RC3H1: variants seen among roughly 807,000 people sequenced by gnomAD.
RC3H1 encodes roquin-1.
Under a neutral mutation model 138.2 loss-of-function variants are expected in RC3H1, and 50 were observed. The observed-to-expected ratio is 0.36, with a 90% CI of 0.29 to 0.46. The LOEUF (loss-of-function observed/expected upper bound fraction) is 0.46. Among genes scored for constraint, RC3H1 ranks in the 20% least tolerant of loss-of-function variants. The pLI is 1.00. For missense variants in RC3H1, 1,031 were observed against 1,388.1 expected, an observed-to-expected ratio of 0.74 and a Z score of 4.09; for synonymous variants, 462 against 489.1, an observed-to-expected ratio of 0.94 and a Z score of 0.73.
In RC3H1 at chr1:173,933,349, T is replaced by G. The variant is rs1363238972; in HGVS notation, c.*5372A>C. On this transcript the variant is annotated 3_prime_UTR_variant, in exon 20 of 20. Transcript: ENST00000367696. ...TTTACCCACTTTGTTCAGTGCAGTATTGAAAACATACCTATTAGGAATAGA... is the reference window on the plus strand; with the variant it reads ...TTTACCCACTTTGTTCAGTGCAGTAGTGAAAACATACCTATTAGGAATAGA... The G allele has an allele frequency of 6.6e-6, 1 of 152,068 alleles. No individual in the cohort carries two copies. Among genetic ancestry groups the G allele is most frequent in the African/African-American group, 2.4e-5 (1 of 41,432 alleles). The allele number at this position is 152,068 out of a possible 1,614,324, so 9.4% of individuals were successfully genotyped here.
intron 9 of RC3H1, among the ~76,000 whole-genome samples, chr1:173,967,521 G>C (rs1660173582): frequency 6.6e-6 from 1 of 152,208 alleles, no homozygotes; most frequent in Admixed American, 6.5e-5. Context: ...CACTGGTCTT[G>C]TTAATTTGGT....
At chr1:174,013,103 T>C (rs1050139671) in intron 1 of RC3H1, among the ~76,000 whole-genome samples, 1 of 152,084 alleles carries the variant, frequency 6.6e-6, no homozygotes, top group African/African-American at 2.4e-5. Context: ...AACCATACTA[T>C]AATGGACAAC....
At chr1:173,985,252 A>G (rs1191789389) in intron 2 of RC3H1, among the ~76,000 whole-genome samples, 2 of 152,200 alleles carry the variant, frequency 1.3e-5, no homozygotes, top group African/African-American at 4.8e-5. Flanking sequence ...TACTACGAAT[A>G]ATGCTGCTAT....
intron 9 of RC3H1, among the ~76,000 whole-genome samples, chr1:173,967,305 G>A (rs12069446): frequency 0.12 from 18,954 of 152,070 alleles, 3,972 homozygotes; most frequent in African/African-American, 0.43. Flanking sequence ...GGGAGACAGA[G>A]TAAGACCCTG....
At chr1:174,021,552 T>C (rs1661960920) in intron 1 of RC3H1, among the ~76,000 whole-genome samples, 1 of 151,948 alleles carries the variant, frequency 6.6e-6, no homozygotes, top group Non-Finnish European at 1.5e-5. Flanking sequence ...GGGAGAAGAC[T>C]ACCAGGCTAG....
intron 1 of RC3H1, among the ~76,000 whole-genome samples, chr1:174,008,569 A>C (rs1661693785): frequency 6.6e-6 from 1 of 152,216 alleles, no homozygotes; most frequent in South Asian, 2.1e-4. Flanking sequence ...AGAACGAAAA[A>C]ATTGCTACAT....
intron 9 of RC3H1, among the ~76,000 whole-genome samples, chr1:173,966,706 C>G (rs1034203136): frequency 6.6e-6 from 1 of 151,360 alleles, no homozygotes; most frequent in African/African-American, 2.4e-5. Context: ...CAGAGCGAGA[C>G]CCTGTCTCAA....
At chr1:173,978,652 G>T (rs1660679488) in intron 6 of RC3H1, 32 bp from the exon 7 acceptor site, 2 of 1,583,998 alleles carry the variant, frequency 1.3e-6, no homozygotes, top group Non-Finnish European at 1.7e-6. Context: ...CTTTCCCAAA[G>T]GTCAGATAAT....
At position 173,964,824 on chromosome 1, in the gene RC3H1, A is replaced by T; in HGVS notation, c.1616+15T>A. 2 of 1,594,124 alleles carry T rather than the reference A, an allele frequency of 1.3e-6. No homozygotes were observed. ...AAGAAGAAATTTTGAAATAAGAGTT[A>T]GAAAAATGACGTACAGGTCAGGAGG... On this transcript the variant is annotated intron_variant, in intron 10 of 19. Coordinates refer to ENST00000367696, the MANE Select transcript of RC3H1 (RefSeq NM_172071.4).
chr1:173,983,307 G>T, intron 4 of RC3H1, 111 bp downstream of exon 4: 1 of 1,301,932 alleles, frequency 7.7e-7, no homozygotes, highest in Non-Finnish European at 1.1e-6. Context: ...CAAGATATTA[G>T]TTGGTAACAA....
At chr1:173,986,414 G>C (rs1368842659) in intron 2 of RC3H1, among the ~76,000 whole-genome samples, 1 of 152,170 alleles carries the variant, frequency 6.6e-6, no homozygotes, top group Non-Finnish European at 1.5e-5. Context: ...TGCCGTGGCA[G>C]CATCTGGGCT....
At position 174,007,206 on chromosome 1, in the gene RC3H1, G is replaced by A. The variant is rs186069121; in HGVS notation, c.-150-14071C>T. ...AAATTGAGACCATCCTGGCTAACAC[G>A]GGGAAACACCATCTCTACTAAAAAT... On this transcript the variant is annotated intron_variant, in intron 1 of 19. Transcript: ENST00000367696. 7.9e-5 allele frequency among the ~76,000 whole-genome samples: 12 copies of A among 152,140 alleles called. No individual in the cohort carries two copies. In the East Asian group the frequency reaches 1.7e-3, roughly 22 times the overall value.
intron 6 of RC3H1, 139 bp downstream of exon 6, chr1:173,980,670 C>T (rs943832129): frequency 8.6e-6 from 4 of 467,534 alleles, no homozygotes; most frequent in Non-Finnish European, 1.1e-5. Context: ...GGTATTATAA[C>T]GTGATTGGTT....
chr1:173,946,972 TCTTTAA>T (rs1322513075), intron 15 of RC3H1, 136 bp from the exon 16 acceptor site: 4 of 645,270 alleles, frequency 6.2e-6, no homozygotes, highest in African/African-American at 3.7e-5. Context: ...TTTTTAAAAT[TCTTTAA>T]CTTTGTTTTT....
Position 173,998,335 on chromosome 1 carries a change from C to T in RC3H1, c.-150-5200G>A, listed in dbSNP as rs947284098. Among the ~76,000 whole-genome samples the T allele has an allele frequency of 5.6e-4, 85 of 152,158 alleles. 1 individual carries two copies. Among genetic ancestry groups the T allele is most frequent in the African/African-American group, 1.8e-3 (76 of 41,414 alleles). ...TCCAAAAAGATTCAAAAGAGTGACA[C>T]TGCTGCTCAAGTATGAAAGCAATGA... is the stretch of plus-strand genomic sequence containing the variant. On this transcript the variant is annotated intron_variant, in intron 1 of 19. Transcript: ENST00000367696.
At position 173,935,475 on chromosome 1, in the gene RC3H1, G is replaced by A. The variant is rs1218072253; in HGVS notation, c.*3246C>T. ...TATCTGATTTTTGCTTTGGAATTTA[G>A]TGAAATACAAATAAAGTAATATTTA... On this transcript the variant is annotated 3_prime_UTR_variant, in exon 20 of 20. Transcript: ENST00000367696. 3 of 151,802 alleles carry A rather than the reference G, an allele frequency of 2.0e-5. No individual in the cohort carries two copies. The highest frequency in any genetic ancestry group is 4.4e-5 in the Non-Finnish European group (3 of 67,992). 9.4% of individuals were successfully genotyped at this position (151,802 alleles called of 1,614,324 possible). A position where few individuals can be genotyped will look rare whatever the true frequency, so the allele number is the denominator to read the frequency against.
At chr1:173,958,748 C>T (rs886178447) in intron 13 of RC3H1, among the ~76,000 whole-genome samples, 2 of 151,816 alleles carry the variant, frequency 1.3e-5, no homozygotes, top group African/African-American at 4.8e-5. Flanking sequence ...AAGTTGACTC[C>T]CCAAATTATG....
chr1:173,939,528 CAAAAAAAAAAAAA>C (rs61301994), intron 19 of RC3H1, among the ~76,000 whole-genome samples: 3 of 35,942 alleles, frequency 8.3e-5, no homozygotes, highest in South Asian at 1.2e-3. Flanking sequence ...GAGATTTTAT[CAAAAAAAAAAAAA>C]AAAAAAAAAA....
intron 11 of RC3H1, 128 bp downstream of exon 11, chr1:173,963,845 A>G: frequency 1.4e-6 from 1 of 703,942 alleles, no homozygotes. Context: ...ATTTTTCCAA[A>G]GTATTAAAAA....
Sources: gnomAD v4.1 joint callset for allele counts (sites outside exome capture counted in the v4.1 genomes callset) on GRCh38, gnomAD v4.1.1 for gene constraint, MANE v1.5 for transcripts, NCBI Gene and HGNC (gene_info 2026-07-23, HGNC 2026-07-21) for gene names.